The following ATR variants were observed in gnomAD, a reference collection of about 807,000 sequenced individuals.
The protein encoded by ATR is serine/threonine-protein kinase ATR.
A neutral mutation model predicts 305.3 loss-of-function variants in ATR; 142 were observed. The observed-to-expected ratio is 0.47, with a 90% confidence interval of 0.41 to 0.53. ATR has a LOEUF of 0.53. ATR is among the 20% of genes least tolerant of loss of function. ATR has a pLI of 0.00. For synonymous variants in ATR, 1,050 were observed against 1,068.1 expected, an observed-to-expected ratio of 0.98 and a Z score of 0.33; for missense variants, 2,135 against 3,133.1, an observed-to-expected ratio of 0.68 and a Z score of 7.60.
chr3:142,512,860 G>A (rs893132082), intron 26 of ATR, among the ~76,000 whole-genome samples: 4 of 151,948 alleles, frequency 2.6e-5, no homozygotes, highest in African/African-American at 9.7e-5. Flanking sequence ...CTCAAAAAAA[G>A]AAAAGGAAAA....
chr3:142,563,176 T>C, intron 3 of ATR, 67 bp from the exon 4 acceptor site: 3 of 1,439,360 alleles, frequency 2.1e-6, no homozygotes, highest in Non-Finnish European at 2.8e-6. Flanking sequence ...ATTTGCTAAA[T>C]CCTTGACGAT....
At position 142,503,656 on chromosome 3, in the gene ATR, A is replaced by T. The variant is rs576014334; in HGVS notation, c.5197-203T>A. Among the ~76,000 whole-genome samples the T allele has an allele frequency of 2.0e-5, 3 of 152,162 alleles. No homozygotes were observed. The East Asian group carries it at 5.8e-4, about 29-fold the overall frequency. ...GGTCTCAAACTCCTGGGCTCAAGTG[A>T]TCCTCCTGCCTCAGCCTCCCAAAGT... On this transcript the variant is annotated intron_variant, in intron 29 of 46. Coordinates refer to ENST00000350721, the MANE Select transcript of ATR (RefSeq NM_001184.4).
chr3:142,522,680 A>G, intron 23 of ATR, 48 bp downstream of exon 23: 1 of 1,437,270 alleles, frequency 7.0e-7, no homozygotes, highest in Non-Finnish European at 9.8e-7. Context: ...CAACGTTCTT[A>G]TTTGAATTAA....
At chr3:142,545,165 TTC>T (rs2108446589) in intron 16 of ATR, among the ~76,000 whole-genome samples, 1 of 152,320 alleles carries the variant, frequency 6.6e-6, no homozygotes, top group East Asian at 1.9e-4. Context: ...AGCAGAGTCA[TTC>T]TCTCTCATTA....
chr3:142,519,333 G>A (rs561994101), intron 24 of ATR, among the ~76,000 whole-genome samples: 9 of 147,894 alleles, frequency 6.1e-5, no homozygotes, highest in East Asian at 3.9e-4. Flanking sequence ...ACAAAGTCTC[G>A]CTCTGTCACC....
chr3:142,572,957 C>G (rs914043309), intron 1 of ATR, among the ~76,000 whole-genome samples: 1 of 152,174 alleles, frequency 6.6e-6, no homozygotes, highest in Non-Finnish European at 1.5e-5. Flanking sequence ...TGCCACTAGA[C>G]TATAAGCTCC....
At position 142,539,515 on chromosome 3, in the gene ATR, AATG is replaced by A. The variant is rs367833654; in HGVS notation, c.3582-893_3582-891del. On this transcript the variant is annotated intron_variant, in intron 18 of 46. Coordinates refer to ENST00000350721, the MANE Select transcript of ATR (RefSeq NM_001184.4). ...AACTTATAAAAATCTACGTTATCAA[AATG>A]ATATTAAAAAAACTTCACTGGAGGT... is the stretch of plus-strand genomic sequence containing the variant. Among the ~76,000 whole-genome samples, 117 of 152,314 alleles carry A rather than the reference AATG, an allele frequency of 7.7e-4. No homozygotes were observed. In the East Asian group the frequency reaches 0.018, roughly 24 times the overall value.
Position 142,512,303 on chromosome 3 carries a change from T to C in ATR, c.4809A>G (p.Lys1603=), listed in dbSNP as rs777880900. The C allele has an allele frequency of 5.0e-6, 8 of 1,613,148 alleles. No individual in the cohort carries two copies. The highest frequency in any genetic ancestry group is 3.4e-6 in the Non-Finnish European group (4 of 1,179,662). Reference sequence around the variant, plus strand: ...TTCTGTTTGATTTGCTGTGTGGACATTTCTCAGCTTTCAGTGCCTGAAATT... The same window carrying C: ...TTCTGTTTGATTTGCTGTGTGGACACTTCTCAGCTTTCAGTGCCTGAAATT... ...RHKFQALKAE[K]CPHSKSNRNK... is the part of the protein sequence containing the mutation. Residue 1603 remains lysine (K), a synonymous_variant, in exon 27 of 47, where the codon AAA becomes AAG. Transcript: ENST00000350721.
chr3:142,466,415 G>A lies in ATR; in HGVS notation c.6806C>T (p.Thr2269Ile), dbSNP rs745851505. 1 of 1,613,932 alleles carries A rather than the reference G, an allele frequency of 6.2e-7. No homozygotes were observed. The highest frequency in any genetic ancestry group is 1.1e-5 in the South Asian group (1 of 91,080). Residue 2269 changes from threonine (T) to isoleucine (I), a missense_variant, in exon 40 of 47, where the codon ACA becomes ATA. Physicochemically the swap from Thr to Ile is moderately conservative, Grantham distance 89. This residue lies in a region of ATR where 462 missense variants were observed against 887.6 expected (regional missense o/e 0.52). Coordinates refer to ENST00000350721, the MANE Select transcript of ATR (RefSeq NM_001184.4). The part of the protein sequence containing the change: ...LIPLQSVMIP[T>I]LPSILGTHAN... ...ATGGGTACCCAGAATTGATGGAAGT[G>A]TAGGTATCATGACTGATTGTAGAGG...
rs574626986 is a variant in ATR, at chr3:142,544,780, T to C, written c.3358-2023A>G. On this transcript the variant is annotated intron_variant, in intron 16 of 46. Coordinates refer to ENST00000350721, the MANE Select transcript of ATR (RefSeq NM_001184.4). ...AAGGGTAGGAGGGTGTGTGCTACCATATAATAGAGAGGAGTGAGGTATCCT... is the reference window on the plus strand; with the variant it reads ...AAGGGTAGGAGGGTGTGTGCTACCACATAATAGAGAGGAGTGAGGTATCCT... Among the ~76,000 whole-genome samples the C allele has an allele frequency of 3.3e-5, 5 of 152,250 alleles. No individual in the cohort carries two copies. In the South Asian group the frequency reaches 1.0e-3, roughly 32 times the overall value.
intron 46 of ATR, chr3:142,450,478 A>T: frequency 6.2e-7 from 1 of 1,602,270 alleles, no homozygotes. Flanking sequence ...AATGAGGTCC[A>T]CTAAAGAGAG....
At position 142,468,084 on chromosome 3, in the gene ATR, G is replaced by A. The variant is rs2108276394; in HGVS notation, c.6553-16C>T. On this transcript the variant is annotated splice_polypyrimidine_tract_variant and intron_variant, in intron 38 of 46. Coordinates refer to ENST00000350721, the MANE Select transcript of ATR (RefSeq NM_001184.4). The stretch of plus-strand genomic sequence containing the variant: ...GATAAGATGACTGTCATAAAAAAGA[G>A]TTAAATGTCATAAAAAAGAGTTTAT... 5.6e-6 allele frequency: 9 copies of A among 1,610,292 alleles called. No individual in the cohort carries two copies. Among genetic ancestry groups the A allele is most frequent in the Middle Eastern group, 1.7e-4 (1 of 5,982 alleles).
chr3:142,498,714 C>A lies in ATR; in HGVS notation c.5441G>T (p.Arg1814Ile). ...TGAGTCATAAAAAGCTGTGATATCT[C>A]TTTTTTTGGCTGATAATAATAGCTG... ...LGQLLLSAKK[R>I]DITAFYDSLK... The change falls in exon 32 of 47, where the codon AGA (arginine) becomes ATA (isoleucine). Residue 1814 changes from arginine to isoleucine, a missense_variant. Transcript: ENST00000350721. 1.2e-6 allele frequency: 2 copies of A among 1,613,910 alleles called. No individual in the cohort carries two copies. Among genetic ancestry groups the A allele is most frequent in the Non-Finnish European group, 1.7e-6 (2 of 1,179,906 alleles).
chr3:142,456,621 G>T (rs1383315743), intron 45 of ATR, among the ~76,000 whole-genome samples: 1 of 151,958 alleles, frequency 6.6e-6, no homozygotes, highest in Non-Finnish European at 1.5e-5. Context: ...GTGGGCAAAG[G>T]ATTTCAATAG....
At chr3:142,515,658 TA>T in intron 24 of ATR, 143 bp from the exon 25 acceptor site, 1 of 930,932 alleles carries the variant, frequency 1.1e-6, no homozygotes, top group Non-Finnish European at 1.6e-6. Context: ...GTATCCTTCT[TA>T]GGGGTGAAGT....
At chr3:142,521,687 A>AT (rs2033155864) in intron 23 of ATR, among the ~76,000 whole-genome samples, 1 of 152,206 alleles carries the variant, frequency 6.6e-6, no homozygotes, top group African/African-American at 2.4e-5. Context: ...TAGAGATGTG[A>AT]TAAAAACAGC....
chr3:142,527,576 A>G (rs947191487), intron 21 of ATR, among the ~76,000 whole-genome samples: 1 of 152,000 alleles, frequency 6.6e-6, no homozygotes, highest in Non-Finnish European at 1.5e-5. Context: ...ACATTTACCA[A>G]TTTCGCTAGT....
chr3:142,454,069 T>C (rs2070848621), intron 45 of ATR, among the ~76,000 whole-genome samples: 1 of 152,206 alleles, frequency 6.6e-6, no homozygotes, highest in Non-Finnish European at 1.5e-5. Flanking sequence ...GGCAAAGTTA[T>C]AATGTAGTAA....
At chr3:142,455,864 A>G (rs112352751) in intron 45 of ATR, among the ~76,000 whole-genome samples, 1 of 152,248 alleles carries the variant, frequency 6.6e-6, no homozygotes, top group Non-Finnish European at 1.5e-5. Context: ...AAACACCAAA[A>G]ATAACCAGAA....
Sources: gnomAD v4.1 joint callset for allele counts (sites outside exome capture counted in the v4.1 genomes callset) on GRCh38, gnomAD v4.1.1 for gene constraint, gnomAD v4.1.1 regional missense constraint, MANE v1.5 for transcripts, NCBI Gene and HGNC (gene_info 2026-07-23, HGNC 2026-07-21) for gene names.